CHRDL2: variants seen among roughly 807,000 people sequenced by gnomAD.
The protein encoded by CHRDL2 is chordin like 2, also known as chordin-like protein 2.
CHRDL2 carries 41 observed loss-of-function variants against 54.3 expected under a neutral mutation model. The observed-to-expected ratio is 0.76, with a 90% CI of 0.59 to 0.98. CHRDL2 has a LOEUF of 0.98. Among genes scored for constraint, CHRDL2 ranks in the 50% least tolerant of loss-of-function variants. CHRDL2 has a pLI of 0.00. For synonymous variants in CHRDL2, 220 were observed against 224.3 expected (o/e 0.98, Z 0.17); for missense variants, 518 against 562.4 (o/e 0.92, Z 0.80).
intron 2 of CHRDL2, among the ~76,000 whole-genome samples, chr11:74,716,777 C>T (rs2034369819): frequency 6.6e-6 from 1 of 151,318 alleles, no homozygotes; most frequent in Admixed American, 6.6e-5. Context: ...AGCAGAATGA[C>T]ATGATCAGTT....
chr11:74,719,843 C>T (rs955257718), intron 1 of CHRDL2, among the ~76,000 whole-genome samples: 2 of 152,172 alleles, frequency 1.3e-5, no homozygotes, highest in Non-Finnish European at 1.5e-5. Context: ...CACTCCTGCT[C>T]CCACCTCCTA....
At chr11:74,718,640 G>C (rs1012431487) in intron 2 of CHRDL2, 80 bp downstream of exon 2, 36 of 920,202 alleles carry the variant, frequency 3.9e-5, no homozygotes, top group Non-Finnish European at 5.8e-5. Context: ...TAGAAGGCCT[G>C]GTCCTCCTTC....
In CHRDL2 at chr11:74,718,830, G is replaced by C; in HGVS notation, c.85C>G (p.Pro29Ala). 6.2e-7 allele frequency: 1 copy of C among 1,606,382 alleles called. No individual in the cohort carries two copies. The change falls in exon 2 of 11, where the codon CCA becomes GCA. Residue 29 changes from proline (P) to alanine (A), a missense_variant and splice_region_variant. Pro to Ala is a conservative substitution (Grantham distance 27). Coordinates refer to ENST00000376332, the MANE Select transcript of CHRDL2 (RefSeq NM_001278473.3). ...FPLDSHARARPDMFCLFHGKR... is the reference protein window; with the variant it reads ...FPLDSHARARADMFCLFHGKR... The stretch of plus-strand genomic sequence containing the variant: ...CCATGGAAAAGGCAGAACATGTCTG[G>C]GCCTGGCAAACCGACCAGTGCCATG...
chr11:74,713,559 C>T, intron 2 of CHRDL2, 80 bp from the exon 3 acceptor site: 2 of 1,090,246 alleles, frequency 1.8e-6, no homozygotes, highest in Non-Finnish European at 2.7e-6. Flanking sequence ...AAAACTCCCA[C>T]CCCAACTGCA....
intron 9 of CHRDL2, among the ~76,000 whole-genome samples, chr11:74,699,860 A>G (rs1217091993): frequency 6.6e-6 from 1 of 152,192 alleles, no homozygotes. Flanking sequence ...GGGAACAGGG[A>G]GGCTGATGGG....
chr11:74,728,417 A>T (rs1410881774), intron 1 of CHRDL2, among the ~76,000 whole-genome samples: 1 of 152,218 alleles, frequency 6.6e-6, no homozygotes, highest in East Asian at 1.9e-4. Flanking sequence ...TTCTAGATTC[A>T]TAGGCTGTCA....
chr11:74,727,335 T>A (rs1718599230), intron 1 of CHRDL2, among the ~76,000 whole-genome samples: 1 of 151,962 alleles, frequency 6.6e-6, no homozygotes, highest in Non-Finnish European at 1.5e-5. Flanking sequence ...GCGTCTAGGG[T>A]CCGGAATTCA....
Position 74,730,919 on chromosome 11 carries a change from G to A in CHRDL2, c.-31C>T, listed in dbSNP as rs2034643539. 1 of 1,575,808 alleles carries A rather than the reference G, an allele frequency of 6.3e-7. No individual in the cohort carries two copies. Among genetic ancestry groups the A allele is most frequent in the Non-Finnish European group, 8.6e-7 (1 of 1,157,670 alleles). On this transcript the variant is annotated 5_prime_UTR_variant, in exon 1 of 11. Transcript: ENST00000376332. Reference sequence around the variant, plus strand: ...CCCCAGGGTCAGGCCGCTGGTCCGGGAGCGGAGTCGGGAGGAAGGGAGACG... The same window carrying A: ...CCCCAGGGTCAGGCCGCTGGTCCGGAAGCGGAGTCGGGAGGAAGGGAGACG...
intron 1 of CHRDL2, 37 bp from the exon 2 acceptor site, chr11:74,718,869 G>C (rs2034434571): frequency 1.5e-6 from 2 of 1,330,730 alleles, no homozygotes; most frequent in Admixed American, 1.9e-5. Flanking sequence ...GTCCCAGGAG[G>C]CTCCAGCCCA....
At chr11:74,729,643 A>G (rs2034622332) in intron 1 of CHRDL2, among the ~76,000 whole-genome samples, 1 of 152,234 alleles carries the variant, frequency 6.6e-6, no homozygotes, top group Non-Finnish European at 1.5e-5. Context: ...GTCACGTGCA[A>G]AAGAAAGGCA....
chr11:74,711,005 G>C lies in CHRDL2; in HGVS notation c.290-14C>G. ...GAGTGTGAGGTTCTGCAGTGGGGGA[G>C]GGGCAGGAGGAAGAAGAAAATGAGG... On this transcript the variant is annotated splice_polypyrimidine_tract_variant and intron_variant, in intron 3 of 10. Transcript: ENST00000376332. 1 of 1,601,702 alleles carries C rather than the reference G, an allele frequency of 6.2e-7. No homozygotes were observed. Among genetic ancestry groups the C allele is most frequent in the Non-Finnish European group, 8.5e-7 (1 of 1,173,852 alleles).
intron 6 of CHRDL2, among the ~76,000 whole-genome samples, chr11:74,705,552 G>A (rs2033983517): frequency 6.6e-6 from 1 of 152,228 alleles, no homozygotes; most frequent in Admixed American, 6.5e-5. Context: ...TGTGTGTTGA[G>A]TGGAATAAAG....
At chr11:74,719,240 T>A (rs984361752) in intron 1 of CHRDL2, 2 of 166,598 alleles carry the variant, frequency 1.2e-5, no homozygotes, top group African/African-American at 4.8e-5. Context: ...ACAGCACCAG[T>A]CTCCTGACTC....
Position 74,718,920 on chromosome 11 carries a change from A to C in CHRDL2, c.83-88T>G, listed in dbSNP as rs902810675. On this transcript the variant is annotated intron_variant, in intron 1 of 10. Transcript: ENST00000376332. ...TTCTCCTTCTTTCTAGCTCTAAAAGAGATGTCATCTGGGCCACTCAGGCAA... is the reference window on the plus strand; with the variant it reads ...TTCTCCTTCTTTCTAGCTCTAAAAGCGATGTCATCTGGGCCACTCAGGCAA... 3 of 822,430 alleles carry C rather than the reference A, an allele frequency of 3.6e-6. No individual in the cohort carries two copies. In the Admixed American group the frequency reaches 7.5e-5, roughly 20 times the overall value. The allele number at this position is 822,430 out of a possible 1,614,324, so 50.9% of individuals were successfully genotyped here. A position where few individuals can be genotyped will look rare whatever the true frequency, so the allele number is the denominator to read the frequency against.
At position 74,731,201 on chromosome 11, in the gene CHRDL2, A is replaced by G; in HGVS notation, c.-313T>C. On this transcript the variant is annotated 5_prime_UTR_variant, in exon 1 of 11. Transcript: ENST00000376332. This position sits in a 1 kb window ranked among gnomAD's most constrained non-coding sequence, Gnocchi z 4.4. ...GGAAGGTGAGAGGGAGAGGAGGAGAAAGCAGGGAGAGGACCGGCGTCTGCC... is the reference window on the plus strand; with the variant it reads ...GGAAGGTGAGAGGGAGAGGAGGAGAGAGCAGGGAGAGGACCGGCGTCTGCC... The G allele has an allele frequency of 4.3e-6, 1 of 234,794 alleles. No individual in the cohort carries two copies. The highest frequency in any genetic ancestry group is 8.3e-6 in the Non-Finnish European group (1 of 120,284). 14.5% of individuals were successfully genotyped at this position (234,794 alleles called of 1,614,324 possible).
At chr11:74,697,051 G>A (rs113901930) in intron 10 of CHRDL2, among the ~76,000 whole-genome samples, 154 bp downstream of exon 10, 2,900 of 152,178 alleles carry the variant, frequency 0.019, 89 homozygotes, top group African/African-American at 0.065. Flanking sequence ...AATCTCTGGC[G>A]CAGACACCCG....
intron 2 of CHRDL2, among the ~76,000 whole-genome samples, chr11:74,716,389 G>T (rs2135266115): frequency 6.6e-6 from 1 of 152,084 alleles, no homozygotes; most frequent in Admixed American, 6.5e-5. Context: ...ATAAAAATTA[G>T]CTGGGCGTGG....
chr11:74,706,221 A>G (rs1343905837), intron 6 of CHRDL2, among the ~76,000 whole-genome samples: 1 of 152,094 alleles, frequency 6.6e-6, no homozygotes, highest in African/African-American at 2.4e-5. Context: ...GTTTCTCAAG[A>G]GGAAAGTGAG....
chr11:74,710,904 G>T lies in CHRDL2; in HGVS notation c.377C>A (p.Ala126Asp), dbSNP rs150838907. ...CAGGCGGGAGGGGAACAGCTCATGG[G>T]CACTGAAGATCTCTCCGTGTTGGTA... Reference protein sequence around the residue: ...TMYQHGEIFSAHELFPSRLPN... With the variant: ...TMYQHGEIFSDHELFPSRLPN... The change falls in exon 4 of 11, where the codon GCC becomes GAC. Residue 126 changes from alanine to aspartate, a missense_variant. Physicochemically the swap from Ala to Asp is moderately radical, Grantham distance 126 (BLOSUM62 -2). Coordinates refer to ENST00000376332, the MANE Select transcript of CHRDL2 (RefSeq NM_001278473.3). The T allele has an allele frequency of 6.2e-7, 1 of 1,614,154 alleles. No homozygotes were observed. Among genetic ancestry groups the T allele is most frequent in the African/African-American group, 1.3e-5 (1 of 75,052 alleles).
Sources: allele counts gnomAD v4.1 joint callset (sites outside exome capture counted in the v4.1 genomes callset), GRCh38; gene constraint gnomAD v4.1.1; non-coding constraint Gnocchi (gnomAD v3.1); transcripts MANE v1.5; gene names NCBI Gene and HGNC (gene_info 2026-07-23, HGNC 2026-07-21).